The following GABRA4 variants were observed in gnomAD, a reference collection of about 807,000 sequenced individuals.
The protein encoded by GABRA4 is gamma-aminobutyric acid receptor subunit alpha-4.
A neutral mutation model predicts 49.7 loss-of-function variants in GABRA4; 12 were observed. That is an observed-to-expected ratio of 0.24 (90% confidence interval 0.15 to 0.39). The LOEUF (loss-of-function observed/expected upper bound fraction) is 0.39, where lower values mean the gene tolerates loss of function less well. Among genes scored for constraint, GABRA4 ranks in the 10% least tolerant of loss-of-function variants. GABRA4 has a pLI of 1.00. For missense variants in GABRA4, 506 were observed against 686.0 expected (o/e 0.74, Z 2.93); for synonymous variants, 288 against 240.2 (o/e 1.20, Z -1.84).
Position 46,928,519 on chromosome 4 carries a change from A to G in GABRA4, c.1371T>C (p.Thr457=), listed in dbSNP as rs1721318007. ...GAGGCATATATCCAGTTCGGATAGA[A>G]GTAGGAGAAGCAGATGGAAGTGCTC... ...AARALPSASP[T]SIRTGYMPRK... Residue 457 remains threonine (T), a synonymous_variant, in exon 9 of 9, where the codon ACT becomes ACC. Transcript: ENST00000264318. 6.2e-7 allele frequency: 1 copy of G among 1,613,678 alleles called. No homozygotes were observed. The highest frequency in any genetic ancestry group is 8.5e-7 in the Non-Finnish European group (1 of 1,179,736).
intron 8 of GABRA4, among the ~76,000 whole-genome samples, chr4:46,955,970 C>T (rs369906436): frequency 6.6e-6 from 1 of 152,192 alleles, no homozygotes; most frequent in East Asian, 1.9e-4. Context: ...CACTTGCTAT[C>T]TGAGTAGCTG....
chr4:46,940,037 A>G (rs1208183398), intron 8 of GABRA4, among the ~76,000 whole-genome samples: 1 of 152,072 alleles, frequency 6.6e-6, no homozygotes, highest in Non-Finnish European at 1.5e-5. Context: ...CTAGCTGAGC[A>G]AAGTTGTATT....
At position 46,924,374 on chromosome 4, in the gene GABRA4, GT is replaced by G. The variant is rs2109930054; in HGVS notation, c.*3850del. ...TGTGCCTGAGATGAGTATCACTCTAGTTTTGGCCCTGCTGTATTCTACTGAA... is the reference window on the plus strand; with the variant it reads ...TGTGCCTGAGATGAGTATCACTCTAGTTTGGCCCTGCTGTATTCTACTGAA... On this transcript the variant is annotated 3_prime_UTR_variant, in exon 9 of 9. Coordinates refer to ENST00000264318, the MANE Select transcript of GABRA4 (RefSeq NM_000809.4). 1 of 152,126 alleles carries G rather than the reference GT, an allele frequency of 6.6e-6. No individual in the cohort carries two copies. 9.4% of individuals were successfully genotyped at this position (152,126 alleles called of 1,614,324 possible).
intron 2 of GABRA4, among the ~76,000 whole-genome samples, chr4:46,989,767 C>G (rs1172058458): frequency 6.6e-6 from 1 of 152,142 alleles, no homozygotes; most frequent in Non-Finnish European, 1.5e-5. Flanking sequence ...AAATGCCCCA[C>G]GAAGAGCAGA....
At chr4:46,948,572 A>G (rs762214110) in intron 8 of GABRA4, among the ~76,000 whole-genome samples, 2 of 151,990 alleles carry the variant, frequency 1.3e-5, no homozygotes, top group Non-Finnish European at 2.9e-5. Context: ...GAGATGAACA[A>G]CTCTGTAATG....
rs758912875 is a variant in GABRA4 at position 46,965,043 on chromosome 4, T to C, written c.1061A>G (p.Lys354Arg). Residue 354 changes from lysine (K) to arginine (R), a missense_variant, in exon 8 of 9, where the codon AAG becomes AGG. Lys to Arg is a conservative substitution (Grantham distance 26). Around this residue, in one of 5 missense-constraint regions of GABRA4, gnomAD observed 243 missense variants for 210.8 expected, o/e 1.15. Transcript: ENST00000264318. Reference sequence around the variant, plus strand: ...AACTTCCTGAGGGGGCTTTGATGTCTTCCTTTTGGCTTTTTCCATTTGAAT... The same window carrying C: ...AACTTCCTGAGGGGGCTTTGATGTCCTCCTTTTGGCTTTTTCCATTTGAAT... ...TNIQMEKAKR[K>R]TSKPPQEVPA... The C allele has an allele frequency of 2.5e-6, 4 of 1,612,018 alleles. No individual in the cohort carries two copies. Among genetic ancestry groups the C allele is most frequent in the Non-Finnish European group, 3.4e-6 (4 of 1,178,830 alleles).
intron 2 of GABRA4, among the ~76,000 whole-genome samples, chr4:46,987,934 G>A (rs906723997): frequency 6.6e-6 from 1 of 152,020 alleles, no homozygotes; most frequent in Admixed American, 6.6e-5. Context: ...GGTCCCCAGA[G>A]ACCCTATGAG....
intron 6 of GABRA4, among the ~76,000 whole-genome samples, chr4:46,973,388 G>A (rs1384339672): frequency 6.6e-6 from 1 of 151,684 alleles, no homozygotes; most frequent in Non-Finnish European, 1.5e-5. Context: ...CCCATGTGAG[G>A]ACTTATTCAT....
chr4:46,943,589 C>G (rs1721887737), intron 8 of GABRA4, among the ~76,000 whole-genome samples: 1 of 151,984 alleles, frequency 6.6e-6, no homozygotes, highest in African/African-American at 2.4e-5. Flanking sequence ...ATGATTTGGG[C>G]CCTGCCTCCC....
chr4:46,993,249 C>T, intron 1 of GABRA4, 90 bp downstream of exon 1: 2 of 1,111,460 alleles, frequency 1.8e-6, no homozygotes, highest in Non-Finnish European at 2.8e-6. Flanking sequence ...ACCTAGTCCA[C>T]CCAGGGAGGA....
chr4:46,977,650 A>T lies in GABRA4; in HGVS notation c.274-20T>A. The T allele has an allele frequency of 6.4e-7, 1 of 1,562,242 alleles. No homozygotes were observed. Among genetic ancestry groups the T allele is most frequent in the Non-Finnish European group, 8.8e-7 (1 of 1,142,198 alleles). On this transcript the variant is annotated intron_variant, in intron 3 of 8. Transcript: ENST00000264318. ...GTATTCCTAGGACAATTATTTTGGA[A>T]CATATTTAAGTTGCAAATGACTACA...
chr4:46,939,753 G>A (rs942753839), intron 8 of GABRA4, among the ~76,000 whole-genome samples: 7 of 151,790 alleles, frequency 4.6e-5, no homozygotes, highest in African/African-American at 7.3e-5. Context: ...GCTAAATACT[G>A]TACTAACTTT....
Position 46,992,951 on chromosome 4 carries a change from A to C in GABRA4, c.87-5T>G, listed in dbSNP as rs1438042666. 1 of 1,540,496 alleles carries C rather than the reference A, an allele frequency of 6.5e-7. No individual in the cohort carries two copies. The highest frequency in any genetic ancestry group is 8.9e-7 in the Non-Finnish European group (1 of 1,125,362). On this transcript the variant is annotated splice_region_variant and splice_polypyrimidine_tract_variant and intron_variant, in intron 1 of 8. Transcript: ENST00000264318. ...TGTCCTGGGGATTCGTTTAAACTGC[A>C]AGCGAAAAAAAAAAAACCGGGGGCG...
At chr4:46,991,780 G>A (rs1723754786) in intron 2 of GABRA4, among the ~76,000 whole-genome samples, 1 of 152,146 alleles carries the variant, frequency 6.6e-6, no homozygotes, top group Non-Finnish European at 1.5e-5. Flanking sequence ...TTGTTGTGAG[G>A]GTTAAACAGA....
In GABRA4 at chr4:46,992,634, G is replaced by A; in HGVS notation, c.205+194C>T. ...TGGGGGAGAGGCAAAGCTTCTGAGG[G>A]GGCAGGGAGATGGGAAAGTACGGGT... On this transcript the variant is annotated intron_variant, in intron 2 of 8. Transcript: ENST00000264318. 5.1e-6 allele frequency: 3 copies of A among 593,302 alleles called. No individual in the cohort carries two copies. In the East Asian group the frequency reaches 8.3e-5, roughly 17 times the overall value. The allele number at this position is 593,302 out of a possible 1,614,324, so 36.8% of individuals were successfully genotyped here. A position where few individuals can be genotyped will look rare whatever the true frequency, so the allele number is the denominator to read the frequency against.
At chr4:46,987,790 C>T (rs1240214492) in intron 2 of GABRA4, among the ~76,000 whole-genome samples, 1 of 152,078 alleles carries the variant, frequency 6.6e-6, no homozygotes, top group Admixed American at 6.6e-5. Context: ...TGCCCTACTT[C>T]CTTTTCTAAG....
In GABRA4 at chr4:46,923,432, A is replaced by T. The variant is rs1721106258; in HGVS notation, c.*4793T>A. The T allele has an allele frequency of 6.6e-6, 1 of 152,120 alleles. No individual in the cohort carries two copies. Among genetic ancestry groups the T allele is most frequent in the South Asian group, 2.1e-4 (1 of 4,826 alleles). The allele number at this position is 152,120 out of a possible 1,614,324, so 9.4% of individuals were successfully genotyped here. A position where few individuals can be genotyped will look rare whatever the true frequency, so the allele number is the denominator to read the frequency against. On this transcript the variant is annotated 3_prime_UTR_variant, in exon 9 of 9. Transcript: ENST00000264318. ...ATAAAACTCTGTCTTTTAATCAAGC[A>T]ATCTACTCTTCTAGACAAACATATC...
chr4:46,993,045 C>A (rs1723826501), intron 1 of GABRA4, 99 bp from the exon 2 acceptor site: 2 of 945,408 alleles, frequency 2.1e-6, no homozygotes, highest in Non-Finnish European at 3.4e-6. Flanking sequence ...GAAAGAGTCG[C>A]TTGCCCCAAG....
At chr4:46,955,946 A>G (rs1394266048) in intron 8 of GABRA4, among the ~76,000 whole-genome samples, 1 of 152,124 alleles carries the variant, frequency 6.6e-6, no homozygotes, top group African/African-American at 2.4e-5. Flanking sequence ...ACTTCACAAT[A>G]GTTGCCTGGT....
Sources: allele counts gnomAD v4.1 joint callset (sites outside exome capture counted in the v4.1 genomes callset), GRCh38; gene constraint gnomAD v4.1.1; regional missense constraint gnomAD v4.1.1; transcripts MANE v1.5; gene names NCBI Gene and HGNC (gene_info 2026-07-23, HGNC 2026-07-21).